Variants in NUP210 observed in about 807,000 individuals in gnomAD.
NUP210 encodes nuclear pore membrane glycoprotein 210.
In NUP210, 151 loss-of-function variants were observed where a neutral mutation model predicts 196.0. The ratio of observed to expected loss-of-function variants is 0.77; its 90% CI spans 0.67 to 0.88. NUP210 has a LOEUF of 0.88. Ranked by LOEUF, NUP210 falls within the 40% of genes least tolerant of loss-of-function variation. The pLI is 0.00. For missense variants in NUP210, 2,314 were observed against 2,493.7 expected (o/e 0.93, Z 1.53); for synonymous variants, 1,070 against 1,052.7 (o/e 1.02, Z -0.32).
At chr3:13,409,643 G>C (rs1700099949) in intron 1 of NUP210, among the ~76,000 whole-genome samples, 1 of 152,036 alleles carries the variant, frequency 6.6e-6, no homozygotes, top group African/African-American at 2.4e-5. Context: ...CACGTCCCTA[G>C]ACATGGGCCT....
At chr3:13,412,365 G>A (rs1225369695) in intron 1 of NUP210, among the ~76,000 whole-genome samples, 1 of 150,466 alleles carries the variant, frequency 6.6e-6, no homozygotes, top group Admixed American at 6.6e-5. Flanking sequence ...ACCATGCTCG[G>A]CCCTTTTCTT....
Position 13,420,079 on chromosome 3 carries a change from AG to A in NUP210, c.147del (p.Ser50ArgfsTer37). On this transcript the variant is annotated frameshift_variant, in exon 1 of 40. Coordinates refer to ENST00000254508, the MANE Select transcript of NUP210 (RefSeq NM_024923.4). LOFTEE classifies it high-confidence loss of function. This position sits in a 1 kb window ranked among gnomAD's most constrained non-coding sequence, Gnocchi z 4.8. ...CCTCACCAGCGGTAGCAGCCCTCCG[AG>A]GCCTCCAGCGTGAAGTTAACGCGCG... ...RATRVNFTLE[A>X]SEGCYRWLST... 7.3e-7 allele frequency: 1 copy of A among 1,365,600 alleles called. No homozygotes were observed. The highest frequency in any genetic ancestry group is 1.5e-5 in the South Asian group (1 of 68,808). 84.6% of individuals were successfully genotyped at this position (1,365,600 alleles called of 1,614,324 possible).
Position 13,372,048 on chromosome 3 carries a change from A to G in NUP210, c.1588-16T>C. The G allele has an allele frequency of 6.5e-7, 1 of 1,549,846 alleles. No homozygotes were observed. The highest frequency in any genetic ancestry group is 8.7e-7 in the Non-Finnish European group (1 of 1,144,476). ...TCACATACACCTGGAAGACAGGGGC[A>G]TGGCCTGGGCTCAGCTGCCTCCACA... On this transcript the variant is annotated splice_polypyrimidine_tract_variant and intron_variant, in intron 12 of 39. Transcript: ENST00000254508.
chr3:13,332,611 T>C (rs1697042914), intron 28 of NUP210, among the ~76,000 whole-genome samples: 1 of 152,056 alleles, frequency 6.6e-6, no homozygotes, highest in African/African-American at 2.4e-5. Context: ...AAACCCTCAG[T>C]CTCTACAAAA....
intron 20 of NUP210, chr3:13,345,050 C>T (rs1415023333): frequency 1.0e-6 from 1 of 985,456 alleles, no homozygotes. Flanking sequence ...CTAGCACTCA[C>T]ATGCCCTCGG....
At position 13,399,825 on chromosome 3, in the gene NUP210, C is replaced by A. The variant is rs148640066; in HGVS notation, c.204G>T (p.Pro68=). The A allele has an allele frequency of 1.9e-6, 3 of 1,612,336 alleles. No individual in the cohort carries two copies. The highest frequency in any genetic ancestry group is 1.7e-5 in the Admixed American group (1 of 59,736). ...STRPEVASIE[P]LGLDEQQCSQ... The stretch of plus-strand genomic sequence containing the variant: ...AGCACTGCTGCTCGTCCAGGCCCAG[C>A]GGCTCGATGCTGGCCACCTCCGGCC... Residue 68 remains proline, a synonymous_variant, in exon 2 of 40, where the codon CCG becomes CCT. Transcript: ENST00000254508.
At chr3:13,386,575 G>A (rs1375929531) in intron 5 of NUP210, among the ~76,000 whole-genome samples, 168 bp from the exon 6 acceptor site, 5 of 152,164 alleles carry the variant, frequency 3.3e-5, no homozygotes, top group Non-Finnish European at 5.9e-5. Flanking sequence ...GGTCCCAGGG[G>A]AGCTCCATAA....
chr3:13,390,966 A>G lies in NUP210; in HGVS notation c.533+245T>C, dbSNP rs371341802. ...GCATGTCTCATTTCTCCAGCTGGAC[A>G]TCCCAAGCCTCTGACAGCTTCTCAC... On this transcript the variant is annotated intron_variant, in intron 4 of 39. Coordinates refer to ENST00000254508, the MANE Select transcript of NUP210 (RefSeq NM_024923.4). 2.8e-4 allele frequency among the ~76,000 whole-genome samples: 42 copies of G among 152,316 alleles called. 4 individuals are homozygous for G. The highest frequency in any genetic ancestry group is 2.3e-3 in the South Asian group (11 of 4,824).
chr3:13,330,351 T>C (rs1696944983), intron 30 of NUP210, 109 bp downstream of exon 30: 1 of 1,076,540 alleles, frequency 9.3e-7, no homozygotes, highest in Non-Finnish European at 1.4e-6. Context: ...AATGCCTGTC[T>C]ACAGTTTCTT....
chr3:13,362,930 T>C (rs1698417873), intron 14 of NUP210, among the ~76,000 whole-genome samples: 2 of 152,140 alleles, frequency 1.3e-5, no homozygotes, highest in Non-Finnish European at 2.9e-5. Flanking sequence ...TCACCTCCTT[T>C]CCAGCTCAAC....
Position 13,378,071 on chromosome 3 carries a change from T to G in NUP210, c.1046-509A>C, listed in dbSNP as rs143466993. ...AGGACCAACCCTGGACTCATCCCACTCTGTCTGATCAAGGCTCTTTCAAAC... is the reference window on the plus strand; with the variant it reads ...AGGACCAACCCTGGACTCATCCCACGCTGTCTGATCAAGGCTCTTTCAAAC... On this transcript the variant is annotated intron_variant, in intron 8 of 39. Coordinates refer to ENST00000254508, the MANE Select transcript of NUP210 (RefSeq NM_024923.4). 2.2e-4 allele frequency among the ~76,000 whole-genome samples: 31 copies of G among 143,198 alleles called. 1 individual carries two copies. In the East Asian group the frequency reaches 6.0e-3, roughly 28 times the overall value. The allele number at this position is 143,198 out of a possible 152,430, so 93.9% of individuals were successfully genotyped here.
intron 3 of NUP210, among the ~76,000 whole-genome samples, chr3:13,392,913 A>T (rs1255771279): frequency 6.6e-6 from 1 of 151,008 alleles, no homozygotes; most frequent in East Asian, 1.9e-4. Flanking sequence ...CCTGGGCCCA[A>T]ATTCCTGCCT....
chr3:13,376,007 C>A (rs1412140026), intron 10 of NUP210, among the ~76,000 whole-genome samples: 1 of 152,210 alleles, frequency 6.6e-6, no homozygotes, highest in Non-Finnish European at 1.5e-5. Flanking sequence ...GCATTTCTTC[C>A]TGTTACAGCC....
rs367849029 is a variant in NUP210, at chr3:13,339,955, C to T, written c.3370G>A (p.Ala1124Thr). ...GCGAGGCCCTGTACCAGCCCAGCAGCGCTCACCAGCGCAACGCTCTCATTG... is the reference window on the plus strand; with the variant it reads ...GCGAGGCCCTGTACCAGCCCAGCAGTGCTCACCAGCGCAACGCTCTCATTG... ...ISNESVALVSAAGLVQGLAIG... is the reference protein window; with the variant it reads ...ISNESVALVSTAGLVQGLAIG... Residue 1124 changes from alanine to threonine, a missense_variant, in exon 25 of 40, where the codon GCT becomes ACT. Ala to Thr is a moderately conservative substitution (Grantham distance 58). Transcript: ENST00000254508. 4.4e-5 allele frequency: 71 copies of T among 1,614,050 alleles called. No individual in the cohort carries two copies. Among genetic ancestry groups the T allele is most frequent in the South Asian group, 3.4e-4 (31 of 91,088 alleles).
chr3:13,397,679 G>A lies in NUP210; in HGVS notation c.305-191C>T, dbSNP rs551768077. Among the ~76,000 whole-genome samples, 4 of 152,302 alleles carry A rather than the reference G, an allele frequency of 2.6e-5. No individual in the cohort carries two copies. The South Asian group carries it at 8.3e-4, about 32-fold the overall frequency. On this transcript the variant is annotated intron_variant, in intron 2 of 39. Coordinates refer to ENST00000254508, the MANE Select transcript of NUP210 (RefSeq NM_024923.4). The stretch of plus-strand genomic sequence containing the variant: ...GACTACCAGAAAGAAAGGGCTGTGG[G>A]GGCCTTGTCACCACCCATTCTGGCT...
intron 6 of NUP210, among the ~76,000 whole-genome samples, chr3:13,381,933 A>T (rs1406229311): frequency 6.6e-6 from 1 of 152,020 alleles, no homozygotes; most frequent in Non-Finnish European, 1.5e-5. Context: ...GTCAAGGATG[A>T]TGGAGAGCTC....
In NUP210 at chr3:13,358,607, G is replaced by A; in HGVS notation, c.2155-212C>T. On this transcript the variant is annotated intron_variant, in intron 15 of 39. Coordinates refer to ENST00000254508, the MANE Select transcript of NUP210 (RefSeq NM_024923.4). ...CAACACCTAAGAGACTCTCAGATGG[G>A]AGCCCATGTGCCCTATGGGCTGCTC... Among the ~76,000 whole-genome samples, 2 of 152,156 alleles carry A rather than the reference G, an allele frequency of 1.3e-5. 1 individual carries two copies. The highest frequency in any genetic ancestry group is 2.9e-5 in the Non-Finnish European group (2 of 68,018).
chr3:13,324,103 G>A (rs913615491), intron 33 of NUP210, among the ~76,000 whole-genome samples: 1 of 152,168 alleles, frequency 6.6e-6, no homozygotes, highest in African/African-American at 2.4e-5. Context: ...ATGCAGAGCT[G>A]TAGGTGACCA....
At chr3:13,345,791 T>C (rs1697700617) in intron 20 of NUP210, among the ~76,000 whole-genome samples, 1 of 152,212 alleles carries the variant, frequency 6.6e-6, no homozygotes, top group Non-Finnish European at 1.5e-5. Flanking sequence ...TTTCTGGTTT[T>C]GCTGGGGCTG....
Sources: gnomAD v4.1 joint callset for allele counts (sites outside exome capture counted in the v4.1 genomes callset) on GRCh38, gnomAD v4.1.1 for gene constraint, Gnocchi (gnomAD v3.1) non-coding constraint, MANE v1.5 for transcripts, NCBI Gene and HGNC (gene_info 2026-07-23, HGNC 2026-07-21) for gene names.